The following RASEF variants were observed in gnomAD, a reference collection of about 807,000 sequenced individuals.
The protein encoded by RASEF is RAS and EF-hand domain containing, also known as ras and EF-hand domain-containing protein.
A neutral mutation model predicts 90.1 loss-of-function variants in RASEF; 68 were observed. The observed-to-expected ratio is 0.75, with a 90% CI of 0.62 to 0.92. RASEF has a LOEUF of 0.92. RASEF is among the 40% of genes least tolerant of loss of function. The probability of loss-of-function intolerance (pLI) is 0.00; values close to 1 mark genes in which losing one functional copy is unlikely to be tolerated. For synonymous variants in RASEF, 331 were observed against 345.2 expected (o/e 0.96, Z 0.46); for missense variants, 949 against 937.2 (o/e 1.01, Z -0.16).
At chr9:83,093,073 C>G in the RASEF span, among the ~76,000 whole-genome samples, 1 of 151,792 alleles carries the variant, frequency 6.6e-6, no homozygotes, top group Non-Finnish European at 1.5e-5. Context: ...TACAGAGTGT[C>G]GATTGGTGCG....
the RASEF span, among the ~76,000 whole-genome samples, chr9:83,123,780 G>T: frequency 7.2e-5 from 11 of 152,314 alleles, no homozygotes; most frequent in South Asian, 8.3e-4. Context: ...CAAGAACAGA[G>T]TCCTTTTTTG....
chr9:83,072,628 G>T, the RASEF span, among the ~76,000 whole-genome samples: 1 of 152,190 alleles, frequency 6.6e-6, no homozygotes, highest in Non-Finnish European at 1.5e-5. Flanking sequence ...GTAAGTCCAA[G>T]ATTCCAAAAG....
At chr9:83,203,812 G>T in the RASEF span, among the ~76,000 whole-genome samples, 4 of 152,100 alleles carry the variant, frequency 2.6e-5, no homozygotes, top group East Asian at 7.7e-4. Flanking sequence ...GGAAGTGCAT[G>T]GTGCCAGCAG....
chr9:83,153,937 C>A, the RASEF span, among the ~76,000 whole-genome samples: 2 of 152,190 alleles, frequency 1.3e-5, no homozygotes, highest in Non-Finnish European at 2.9e-5. Flanking sequence ...AACAACATTT[C>A]CACCACCCAC....
chr9:83,027,651 G>A (rs1829571652), intron 1 of RASEF, among the ~76,000 whole-genome samples: 2 of 152,202 alleles, frequency 1.3e-5, no homozygotes, highest in Admixed American at 1.3e-4. Flanking sequence ...ACCAGATTCA[G>A]TAGCTGATCT....
At chr9:83,017,042 C>A (rs968660399) in intron 3 of RASEF, among the ~76,000 whole-genome samples, 1 of 152,178 alleles carries the variant, frequency 6.6e-6, no homozygotes, top group African/African-American at 2.4e-5. Context: ...GCAACAATTT[C>A]TGCCTGCCTC....
chr9:83,142,528 A>C, the RASEF span, among the ~76,000 whole-genome samples: 1 of 152,254 alleles, frequency 6.6e-6, no homozygotes, highest in Non-Finnish European at 1.5e-5. Flanking sequence ...ATCTTCAGTG[A>C]CAGGCAAGTA....
At chr9:83,097,920 A>ACTG in the RASEF span, among the ~76,000 whole-genome samples, 1 of 152,196 alleles carries the variant, frequency 6.6e-6, no homozygotes, top group Non-Finnish European at 1.5e-5. Context: ...TAGGCCTTTT[A>ACTG]TAGGCACTAG....
intron 3 of RASEF, among the ~76,000 whole-genome samples, chr9:83,020,448 C>G (rs1829421230): frequency 6.6e-6 from 1 of 152,104 alleles, no homozygotes; most frequent in Admixed American, 6.5e-5. Context: ...TCCAGAGAGG[C>G]TGTGTTTAGA....
chr9:83,207,144 G>T, the RASEF span, among the ~76,000 whole-genome samples: 3 of 151,948 alleles, frequency 2.0e-5, no homozygotes, highest in Admixed American at 2.0e-4. Context: ...TTTACGGGAC[G>T]GGTCATTACT....
chr9:83,097,759 C>T, the RASEF span, among the ~76,000 whole-genome samples: 2 of 152,134 alleles, frequency 1.3e-5, no homozygotes, highest in African/African-American at 4.8e-5. Flanking sequence ...TTTCTGCACA[C>T]AGAGGACAGG....
the RASEF span, among the ~76,000 whole-genome samples, chr9:83,197,199 T>G: frequency 6.6e-6 from 1 of 152,236 alleles, no homozygotes; most frequent in African/African-American, 2.4e-5. Context: ...ACGGAAAGAC[T>G]GATCTGCAGA....
chr9:83,090,629 C>G, the RASEF span, among the ~76,000 whole-genome samples: 3 of 152,100 alleles, frequency 2.0e-5, no homozygotes, highest in Non-Finnish European at 2.9e-5. Flanking sequence ...GTCTTGAACT[C>G]TTAACCTCAG....
intron 6 of RASEF, among the ~76,000 whole-genome samples, chr9:83,008,907 T>TC (rs1178050213): frequency 1.1e-4 from 13 of 118,142 alleles, no homozygotes; most frequent in African/African-American, 2.7e-4. Context: ...TATATATATA[T>TC]ATATATATAT....
chr9:83,205,465 A>G, the RASEF span, among the ~76,000 whole-genome samples: 1 of 152,286 alleles, frequency 6.6e-6, no homozygotes, highest in Non-Finnish European at 1.5e-5. Flanking sequence ...CTCTGTGACT[A>G]TGCTCATGCT....
the RASEF span, among the ~76,000 whole-genome samples, chr9:83,111,100 G>C: frequency 6.6e-6 from 1 of 152,150 alleles, no homozygotes; most frequent in African/African-American, 2.4e-5. Flanking sequence ...TGAAGTACGA[G>C]CAAATAATAA....
chr9:83,121,555 A>G, the RASEF span, among the ~76,000 whole-genome samples: 1 of 152,172 alleles, frequency 6.6e-6, no homozygotes, highest in African/African-American at 2.4e-5. Flanking sequence ...CTTTATTTAC[A>G]TATTGTCTAT....
At chr9:83,115,818 A>G in the RASEF span, among the ~76,000 whole-genome samples, 2 of 152,210 alleles carry the variant, frequency 1.3e-5, no homozygotes, top group Admixed American at 6.5e-5. Context: ...AGAACTAGCT[A>G]TAAATACTGC....
intron 1 of RASEF, among the ~76,000 whole-genome samples, chr9:83,028,866 T>C (rs904817566): frequency 6.6e-6 from 1 of 152,158 alleles, no homozygotes; most frequent in Admixed American, 6.5e-5. Flanking sequence ...GAATAGCTCC[T>C]AATCCAATCT....
Sources: allele counts gnomAD v4.1 joint callset (sites outside exome capture counted in the v4.1 genomes callset), GRCh38; gene constraint gnomAD v4.1.1; transcripts MANE v1.5; gene names NCBI Gene and HGNC (gene_info 2026-07-23, HGNC 2026-07-21).